Variants in INPP5A observed in about 807,000 individuals in gnomAD.
INPP5A encodes the protein inositol polyphosphate-5-phosphatase A, also known as 43 kDa inositol polyphosphate 5-phophatase.
INPP5A carries 14 observed loss-of-function variants against 65.2 expected under a neutral mutation model. The observed-to-expected ratio is 0.21, with a 90% CI of 0.14 to 0.34. The LOEUF is 0.34. Ranked by LOEUF, INPP5A falls within the 10% of genes least tolerant of loss-of-function variation. The pLI is 1.00. For missense variants in INPP5A, 431 were observed against 545.6 expected, an observed-to-expected ratio of 0.79 and a Z score of 2.09; for synonymous variants, 207 against 208.3, an observed-to-expected ratio of 0.99 and a Z score of 0.05.
At chr10:132,773,624 G>C (rs934332365) in intron 12 of INPP5A, among the ~76,000 whole-genome samples, 3 of 152,230 alleles carry the variant, frequency 2.0e-5, no homozygotes, top group African/African-American at 7.2e-5. Context: ...CGTCCGCCTG[G>C]TGGTCAGGAA....
chr10:132,730,647 G>A (rs1048153225), intron 9 of INPP5A, among the ~76,000 whole-genome samples: 1 of 152,198 alleles, frequency 6.6e-6, no homozygotes, highest in Non-Finnish European at 1.5e-5. Context: ...CGGTCTTCCT[G>A]GAACCTCCTC....
chr10:132,565,359 A>T (rs921871101), intron 1 of INPP5A, among the ~76,000 whole-genome samples: 2 of 152,102 alleles, frequency 1.3e-5, no homozygotes, highest in Admixed American at 1.3e-4. Flanking sequence ...TTAACCCCAT[A>T]GTTTGTGGCA....
At chr10:132,618,787 AAG>A (rs1206163080) in intron 2 of INPP5A, among the ~76,000 whole-genome samples, 2 of 152,308 alleles carry the variant, frequency 1.3e-5, no homozygotes, top group African/African-American at 2.4e-5. Context: ...AAGCCAGAGC[AAG>A]AGAGAGCGAG....
At chr10:132,645,024 G>A (rs986989977) in intron 2 of INPP5A, among the ~76,000 whole-genome samples, 4 of 152,192 alleles carry the variant, frequency 2.6e-5, no homozygotes, top group Non-Finnish European at 4.4e-5. Context: ...CTCTGCCCGC[G>A]CGTCCTCTCA....
At chr10:132,617,606 CCTT>C (rs893951777) in intron 2 of INPP5A, among the ~76,000 whole-genome samples, 3 of 152,220 alleles carry the variant, frequency 2.0e-5, no homozygotes, top group African/African-American at 7.2e-5. Context: ...TCCATTGTGA[CCTT>C]CTTCCTGTTG....
intron 1 of INPP5A, among the ~76,000 whole-genome samples, chr10:132,606,215 C>T (rs2133338186): frequency 6.6e-6 from 1 of 151,168 alleles, no homozygotes; most frequent in African/African-American, 2.4e-5. Context: ...GGAGGCTGTC[C>T]ACGTGGGCTG....
At chr10:132,634,006 C>T (rs974086005) in intron 2 of INPP5A, among the ~76,000 whole-genome samples, 2 of 152,168 alleles carry the variant, frequency 1.3e-5, no homozygotes, top group Non-Finnish European at 2.9e-5. Context: ...TCACTTCATT[C>T]GTGACTATTT....
chr10:132,738,373 G>A (rs746213696), intron 9 of INPP5A, among the ~76,000 whole-genome samples: 4 of 152,182 alleles, frequency 2.6e-5, no homozygotes, highest in Non-Finnish European at 4.4e-5. Flanking sequence ...ACCCTGGGAC[G>A]AGGGCTGAGC....
intron 2 of INPP5A, among the ~76,000 whole-genome samples, chr10:132,632,760 C>G (rs1271860520): frequency 6.6e-6 from 1 of 152,256 alleles, no homozygotes; most frequent in African/African-American, 2.4e-5. Context: ...GCCCCACACT[C>G]ATCCCTTCCT....
In INPP5A at chr10:132,749,775, T is replaced by A; in HGVS notation, c.833T>A (p.Met278Lys). 2 of 1,613,132 alleles carry A rather than the reference T, an allele frequency of 1.2e-6. No homozygotes were observed. The highest frequency in any genetic ancestry group is 1.7e-6 in the Non-Finnish European group (2 of 1,179,962). Reference sequence around the variant, plus strand: ...TGGGCCACTCTGACTTCACAGGTTATGCTCCAGTTAGAAAAGAAACTCTTC... The same window carrying A: ...TGGGCCACTCTGACTTCACAGGTTAAGCTCCAGTTAGAAAAGAAACTCTTC... ...FRESDNDRKV[M>K]LQLEKKLFDY... is the part of the protein sequence containing the mutation. The change falls in exon 11 of 16, where the codon ATG becomes AAG. Residue 278 changes from methionine (M) to lysine (K), a missense_variant. Met to Lys is a moderately conservative substitution (Grantham distance 95). Coordinates refer to ENST00000368594, the MANE Select transcript of INPP5A (RefSeq NM_005539.5).
chr10:132,648,944 C>T, intron 3 of INPP5A, among the ~76,000 whole-genome samples: 1 of 152,162 alleles, frequency 6.6e-6, no homozygotes, highest in Non-Finnish European at 1.5e-5. Flanking sequence ...TGTCCTTGTC[C>T]ATTATTTCTT....
intron 11 of INPP5A, among the ~76,000 whole-genome samples, chr10:132,751,745 G>A (rs1846482347): frequency 6.8e-6 from 1 of 147,382 alleles, no homozygotes. Flanking sequence ...TGCCCAGGAG[G>A]TGTCTTCGTG....
At chr10:132,772,994 C>T (rs534198168) in intron 12 of INPP5A, among the ~76,000 whole-genome samples, 9 of 152,382 alleles carry the variant, frequency 5.9e-5, no homozygotes, top group African/African-American at 9.6e-5. Context: ...AGTTTAAAGC[C>T]GGGTTGCACA....
In INPP5A at chr10:132,659,910, C is replaced by T. The variant is rs1048243299; in HGVS notation, c.306+9405C>T. Among the ~76,000 whole-genome samples the T allele has an allele frequency of 6.6e-6, 1 of 152,260 alleles. No homozygotes were observed. Among genetic ancestry groups the T allele is most frequent in the Admixed American group, 6.5e-5 (1 of 15,286 alleles). On this transcript the variant is annotated intron_variant, in intron 4 of 15. Transcript: ENST00000368594. The surrounding 1 kb of genome is among the most constrained non-coding windows in gnomAD (Gnocchi z 5.5). Reference sequence around the variant, plus strand: ...AAACCTGAGGACATGCAGCCTGCAGCTCCTGACACATGACATGTGACATAC... The same window carrying T: ...AAACCTGAGGACATGCAGCCTGCAGTTCCTGACACATGACATGTGACATAC...
At chr10:132,748,170 C>A (rs1026224641) in intron 9 of INPP5A, among the ~76,000 whole-genome samples, 2 of 152,180 alleles carry the variant, frequency 1.3e-5, no homozygotes, top group African/African-American at 2.4e-5. Flanking sequence ...CCAGCCCCCG[C>A]CCCAGTCAGT....
At chr10:132,573,189 G>A (rs1049864340) in intron 1 of INPP5A, among the ~76,000 whole-genome samples, 25 of 145,476 alleles carry the variant, frequency 1.7e-4, no homozygotes, top group African/African-American at 5.9e-4. Flanking sequence ...TGGGGTGTAC[G>A]TGCCGTGTGA....
At chr10:132,713,035 CGT>C (rs751233772) in intron 8 of INPP5A, among the ~76,000 whole-genome samples, 9 of 148,176 alleles carry the variant, frequency 6.1e-5, no homozygotes, top group South Asian at 2.2e-4. Flanking sequence ...TGTATGTGTG[CGT>C]GTGTGTGGGT....
intron 9 of INPP5A, among the ~76,000 whole-genome samples, chr10:132,737,564 G>A (rs1485629700): frequency 2.6e-5 from 4 of 152,226 alleles, no homozygotes; most frequent in African/African-American, 9.6e-5. Flanking sequence ...CGTGCCCAGC[G>A]TGCTCTGGAT....
intron 8 of INPP5A, among the ~76,000 whole-genome samples, chr10:132,712,063 T>C (rs1845646182): frequency 6.6e-6 from 1 of 152,192 alleles, no homozygotes. Flanking sequence ...CCCTGGGGAC[T>C]GTGTGGAGCA....
Sources: gnomAD v4.1 joint callset for allele counts (sites outside exome capture counted in the v4.1 genomes callset) on GRCh38, gnomAD v4.1.1 for gene constraint, Gnocchi (gnomAD v3.1) non-coding constraint, MANE v1.5 for transcripts, NCBI Gene and HGNC (gene_info 2026-07-23, HGNC 2026-07-21) for gene names.